SPAG16: variants seen among roughly 807,000 people sequenced by gnomAD.
The protein encoded by SPAG16 is sperm-associated antigen 16 protein.
SPAG16 carries 86 observed loss-of-function variants against 80.4 expected under a neutral mutation model. That is an observed-to-expected ratio of 1.07 (90% CI 0.90 to 1.28). The LOEUF (loss-of-function observed/expected upper bound fraction) is 1.28, where lower values mean the gene tolerates loss of function less well. Among genes scored for constraint, SPAG16 ranks in the 50% most tolerant of loss-of-function variants. The pLI is 0.00. For missense variants in SPAG16, 870 were observed against 765.3 expected (o/e 1.14, Z -1.61); for synonymous variants, 294 against 265.9 (o/e 1.11, Z -1.03).
chr2:213,929,952 G>T lies in SPAG16; in HGVS notation c.1215-8G>T. 1 of 1,595,368 alleles carries T rather than the reference G, an allele frequency of 6.3e-7. No individual in the cohort carries two copies. Among genetic ancestry groups the T allele is most frequent in the Non-Finnish European group, 8.5e-7 (1 of 1,171,268 alleles). ...AAACAAGCTGTCTTTTTATGTTTTT[G>T]CAAATAGTGGCGACAAATTGGCTAC... On this transcript the variant is annotated splice_polypyrimidine_tract_variant and splice_region_variant and intron_variant, in intron 11 of 15. Transcript: ENST00000331683.
chr2:213,537,228 G>A (rs2125904866), intron 10 of SPAG16, among the ~76,000 whole-genome samples: 1 of 150,828 alleles, frequency 6.6e-6, no homozygotes, highest in East Asian at 2.0e-4. Context: ...CAAGTTAATG[G>A]GTGCAGCACA....
chr2:214,203,336 TC>T (rs1179887365), intron 15 of SPAG16, among the ~76,000 whole-genome samples: 1 of 152,106 alleles, frequency 6.6e-6, no homozygotes, highest in Non-Finnish European at 1.5e-5. Flanking sequence ...AACTTTCAGC[TC>T]CCACTCCAGT....
intron 12 of SPAG16, among the ~76,000 whole-genome samples, chr2:213,959,903 C>T (rs2044329764): frequency 6.6e-6 from 1 of 152,124 alleles, no homozygotes; most frequent in Admixed American, 6.6e-5. Context: ...AAAGACAATA[C>T]CAAATTAAAA....
chr2:213,657,497 A>G (rs529771725), intron 10 of SPAG16, among the ~76,000 whole-genome samples: 18 of 152,326 alleles, frequency 1.2e-4, no homozygotes, highest in Non-Finnish European at 2.1e-4. Flanking sequence ...GGCTGTGGTA[A>G]ATCAAATAAA....
intron 12 of SPAG16, among the ~76,000 whole-genome samples, chr2:214,012,293 T>TATACTTACATATATATA (rs2047348762): frequency 9.8e-6 from 1 of 102,162 alleles, no homozygotes; most frequent in Non-Finnish European, 1.9e-5. Context: ...TATATATTTT[T>TATACTTACATATATATA]TTTTTTTTTT....
At chr2:213,839,222 C>G (rs1019749741) in intron 10 of SPAG16, among the ~76,000 whole-genome samples, 4 of 152,102 alleles carry the variant, frequency 2.6e-5, no homozygotes, top group African/African-American at 4.8e-5. Context: ...TGCTTCTATG[C>G]AGACAGTTAT....
At chr2:214,047,780 A>G (rs2049414733) in intron 13 of SPAG16, among the ~76,000 whole-genome samples, 2 of 152,208 alleles carry the variant, frequency 1.3e-5, no homozygotes, top group Admixed American at 6.5e-5. Flanking sequence ...AAATACTTGC[A>G]AACTACACAT....
At chr2:214,091,811 C>T (rs1263544379) in intron 13 of SPAG16, among the ~76,000 whole-genome samples, 1 of 151,936 alleles carries the variant, frequency 6.6e-6, no homozygotes, top group Admixed American at 6.6e-5. Flanking sequence ...TATCTTCTTC[C>T]CTTTATCCAC....
At chr2:213,366,854 C>T (rs112898396) in intron 8 of SPAG16, among the ~76,000 whole-genome samples, 14,912 of 151,868 alleles carry the variant, frequency 0.098, 1,915 homozygotes, top group African/African-American at 0.3. Flanking sequence ...TTGTTACATA[C>T]GTATACATGT....
chr2:214,008,614 A>G (rs2047140139), intron 12 of SPAG16, among the ~76,000 whole-genome samples: 2 of 152,200 alleles, frequency 1.3e-5, no homozygotes, highest in Non-Finnish European at 2.9e-5. Flanking sequence ...GTGTGCTGGC[A>G]CAGGCCTGTA....
chr2:213,927,771 T>G (rs546463199), intron 11 of SPAG16, among the ~76,000 whole-genome samples: 1 of 152,118 alleles, frequency 6.6e-6, no homozygotes, highest in African/African-American at 2.4e-5. Context: ...TATGAGAGGG[T>G]TTTTCAGCCA....
chr2:213,331,565 A>C lies in SPAG16; in HGVS notation c.537-8598A>C, dbSNP rs138358705. On this transcript the variant is annotated intron_variant, in intron 5 of 15. Transcript: ENST00000331683. ...CAGAAAATCAACAAACATCAGACTT[A>C]ATCTGCACCATAGAACAAATGGACT... Among the ~76,000 whole-genome samples, 10 of 152,330 alleles carry C rather than the reference A, an allele frequency of 6.6e-5. No individual in the cohort carries two copies. In the East Asian group the frequency reaches 1.9e-3, roughly 29 times the overall value.
intron 15 of SPAG16, among the ~76,000 whole-genome samples, chr2:214,357,780 T>C (rs1698917744): frequency 6.6e-6 from 1 of 151,916 alleles, no homozygotes; most frequent in South Asian, 2.1e-4. Flanking sequence ...GTGACCTCTG[T>C]TTCATAATAA....
chr2:213,708,798 A>G (rs2125352322), intron 10 of SPAG16, among the ~76,000 whole-genome samples: 1 of 152,284 alleles, frequency 6.6e-6, no homozygotes, highest in Non-Finnish European at 1.5e-5. Flanking sequence ...AAGGGGGGAA[A>G]AAAGTACTGG....
chr2:213,343,213 C>A (rs1393551961), intron 6 of SPAG16, among the ~76,000 whole-genome samples: 1 of 152,068 alleles, frequency 6.6e-6, no homozygotes, highest in Non-Finnish European at 1.5e-5. Flanking sequence ...TTCTGACCAG[C>A]CATAAGGGAA....
At chr2:214,331,269 C>A (rs1383369495) in intron 15 of SPAG16, among the ~76,000 whole-genome samples, 1 of 152,122 alleles carries the variant, frequency 6.6e-6, no homozygotes, top group African/African-American at 2.4e-5. Context: ...GCTTCTATAG[C>A]AAACATAGGT....
chr2:213,513,168 T>C (rs990692026), intron 10 of SPAG16, among the ~76,000 whole-genome samples: 3 of 152,208 alleles, frequency 2.0e-5, no homozygotes, highest in African/African-American at 7.2e-5. Context: ...TTGCTTGTCT[T>C]TTTATCCTTG....
intron 12 of SPAG16, among the ~76,000 whole-genome samples, chr2:214,001,303 T>C (rs1015943115): frequency 4.6e-5 from 7 of 152,340 alleles, no homozygotes; most frequent in South Asian, 2.1e-4. Flanking sequence ...GTTGACCTTT[T>C]CTATCTATCT....
intron 10 of SPAG16, among the ~76,000 whole-genome samples, chr2:213,834,563 T>TG (rs1392646423): frequency 1.3e-5 from 2 of 152,086 alleles, no homozygotes; most frequent in Admixed American, 1.3e-4. Flanking sequence ...TCAGGACAGA[T>TG]GAGTAAGAGA....
Sources: allele counts gnomAD v4.1 joint callset (sites outside exome capture counted in the v4.1 genomes callset), GRCh38; gene constraint gnomAD v4.1.1; transcripts MANE v1.5; gene names NCBI Gene and HGNC (gene_info 2026-07-23, HGNC 2026-07-21).